Variants in RRAGD observed in about 807,000 individuals in gnomAD.
RRAGD encodes ras-related GTP-binding protein D.
In RRAGD, 12 loss-of-function variants were observed where a neutral mutation model predicts 35.5. The observed-to-expected ratio is 0.34, with a 90% CI of 0.22 to 0.55. The LOEUF (loss-of-function observed/expected upper bound fraction) is 0.55. Among genes scored for constraint, RRAGD ranks in the 20% least tolerant of loss-of-function variants. RRAGD has a pLI of 0.91. For missense variants in RRAGD, 324 were observed against 490.1 expected (o/e 0.66, Z 3.20); for synonymous variants, 155 against 178.9 (o/e 0.87, Z 1.07).
intron 5 of RRAGD, among the ~76,000 whole-genome samples, chr6:89,373,672 C>T (rs7738776): frequency 0.077 from 11,657 of 150,848 alleles, 1,074 homozygotes; most frequent in East Asian, 0.27. Context: ...GTGTGGTGTG[C>T]AGACACAAGT....
intron 1 of RRAGD, among the ~76,000 whole-genome samples, chr6:89,389,113 G>A (rs1769186511): frequency 6.6e-6 from 1 of 152,152 alleles, no homozygotes; most frequent in African/African-American, 2.4e-5. Flanking sequence ...CAGGTCTGTG[G>A]CCCGGGGTTT....
rs183254839 is a variant in RRAGD, at chr6:89,397,036, C to T, written c.149-9446G>A. Among the ~76,000 whole-genome samples the T allele has an allele frequency of 1.1e-4, 16 of 152,154 alleles. No individual in the cohort carries two copies. The East Asian group carries it at 2.1e-3, about 20-fold the overall frequency. On this transcript the variant is annotated intron_variant, in intron 1 of 6. Coordinates refer to ENST00000369415, the MANE Select transcript of RRAGD (RefSeq NM_021244.5). ...GATTACAGGCATGAGCCACCACACC[C>T]GGCTGACCCAATTTTAAAAGTGAAA... is the stretch of plus-strand genomic sequence containing the variant.
intron 1 of RRAGD, among the ~76,000 whole-genome samples, chr6:89,397,037 G>A (rs767747103): frequency 4.3e-4 from 66 of 151,954 alleles, no homozygotes; most frequent in Non-Finnish European, 8.2e-4. Flanking sequence ...CACCACACCC[G>A]GCTGACCCAA....
intron 1 of RRAGD, among the ~76,000 whole-genome samples, chr6:89,390,091 T>G (rs1769204036): frequency 6.6e-6 from 1 of 152,184 alleles, no homozygotes; most frequent in South Asian, 2.1e-4. Context: ...TCAAAATGTT[T>G]TATTTAAGAA....
intron 1 of RRAGD, among the ~76,000 whole-genome samples, chr6:89,399,091 C>T (rs1280361884): frequency 6.6e-6 from 1 of 152,170 alleles, no homozygotes; most frequent in Non-Finnish European, 1.5e-5. Context: ...ATTTATACTG[C>T]TAGATATGGG....
chr6:89,367,830 T>C lies in RRAGD; in HGVS notation c.*226A>G, dbSNP rs535913715. 1.2e-4 allele frequency: 46 copies of C among 385,138 alleles called. No individual in the cohort carries two copies. The highest frequency in any genetic ancestry group is 9.5e-4 in the African/African-American group (46 of 48,582). The allele number at this position is 385,138 out of a possible 1,614,324, so 23.9% of individuals were successfully genotyped here. A position where few individuals can be genotyped will look rare whatever the true frequency, so the allele number is the denominator to read the frequency against. On this transcript the variant is annotated 3_prime_UTR_variant, in exon 7 of 7. Transcript: ENST00000369415. ...ACCATAAAAGTTTACATTTGTGTAA[T>C]GAAATGACAATGGATTTCACATCAC... is the stretch of plus-strand genomic sequence containing the variant.
intron 1 of RRAGD, among the ~76,000 whole-genome samples, chr6:89,392,387 G>A (rs9353674): frequency 0.032 from 4,891 of 151,646 alleles, 302 homozygotes; most frequent in East Asian, 0.27. Context: ...GGCTAAAGTG[G>A]GAGGATCCCT....
At chr6:89,380,813 A>G (rs1582508941) in intron 2 of RRAGD, among the ~76,000 whole-genome samples, 1 of 151,878 alleles carries the variant, frequency 6.6e-6, no homozygotes, top group East Asian at 1.9e-4. Flanking sequence ...AGGCTGAGGC[A>G]GGAGAATTGC....
At chr6:89,401,245 G>A (rs927061470) in intron 1 of RRAGD, among the ~76,000 whole-genome samples, 3 of 150,686 alleles carry the variant, frequency 2.0e-5, no homozygotes, top group African/African-American at 7.3e-5. Context: ...CTCTGTCCAG[G>A]GGCTTCCCCA....
intron 1 of RRAGD, among the ~76,000 whole-genome samples, chr6:89,409,478 CCT>C (rs1453820015): frequency 6.6e-6 from 1 of 152,116 alleles, no homozygotes; most frequent in Non-Finnish European, 1.5e-5. Flanking sequence ...CAGAATAACT[CCT>C]TTTTTTCCCT....
chr6:89,377,959 C>A, intron 4 of RRAGD, 146 bp from the exon 5 acceptor site: 21 of 631,812 alleles, frequency 3.3e-5, no homozygotes, highest in Admixed American at 6.6e-5. Context: ...CATTTTATTA[C>A]AATTTAAACT....
intron 1 of RRAGD, 78 bp from the exon 2 acceptor site, chr6:89,387,668 A>G (rs1562454992): frequency 1.8e-5 from 23 of 1,312,540 alleles, no homozygotes; most frequent in Non-Finnish European, 2.3e-5. Context: ...TTCCACCTCA[A>G]ATGTGATTTA....
chr6:89,390,948 C>A (rs572900414), intron 1 of RRAGD, among the ~76,000 whole-genome samples: 1 of 152,140 alleles, frequency 6.6e-6, no homozygotes, highest in Non-Finnish European at 1.5e-5. Context: ...TTCCACTCCT[C>A]CAAATATACC....
At position 89,411,774 on chromosome 6, in the gene RRAGD, C is replaced by T. The variant is rs2127901098; in HGVS notation, c.148+72G>A. 2 of 1,474,546 alleles carry T rather than the reference C, an allele frequency of 1.4e-6. No individual in the cohort carries two copies. Among genetic ancestry groups the T allele is most frequent in the Admixed American group, 4.1e-5 (2 of 48,298 alleles). 91.3% of individuals were successfully genotyped at this position (1,474,546 alleles called of 1,614,324 possible). A position where few individuals can be genotyped will look rare whatever the true frequency, so the allele number is the denominator to read the frequency against. On this transcript the variant is annotated intron_variant, in intron 1 of 6. Transcript: ENST00000369415. The surrounding 1 kb of genome is among the most constrained non-coding windows in gnomAD (Gnocchi z 5.6). ...TCCAAGTCGGTGGCTCGCGCACGGC[C>T]GGGCTGGGGGCGGGAAGGCGCCAAG...
chr6:89,368,333 A>C lies in RRAGD; in HGVS notation c.1052-126T>G, dbSNP rs1054119586. The stretch of plus-strand genomic sequence containing the variant: ...GATGGTCTTAGCGTAAGGACCAGAG[A>C]TTTCCCTGGGATGTCTGCAGCTGGC... On this transcript the variant is annotated intron_variant, in intron 6 of 6. Coordinates refer to ENST00000369415, the MANE Select transcript of RRAGD (RefSeq NM_021244.5). The C allele has an allele frequency of 4.2e-6, 3 of 712,476 alleles. No homozygotes were observed. The African/African-American group carries it at 5.4e-5, about 13-fold the overall frequency. 44.1% of individuals were successfully genotyped at this position (712,476 alleles called of 1,614,324 possible).
intron 5 of RRAGD, among the ~76,000 whole-genome samples, chr6:89,375,276 T>G (rs988560320): frequency 9.2e-5 from 14 of 152,210 alleles, no homozygotes; most frequent in Non-Finnish European, 1.8e-4. Flanking sequence ...AAGCATGTAT[T>G]ACTTTCACAA....
At chr6:89,391,705 C>T (rs1417457325) in intron 1 of RRAGD, among the ~76,000 whole-genome samples, 1 of 151,962 alleles carries the variant, frequency 6.6e-6, no homozygotes, top group Non-Finnish European at 1.5e-5. Context: ...GTAATCATAG[C>T]ACTTTGGGAG....
chr6:89,411,562 G>A lies in RRAGD; in HGVS notation c.148+284C>T, dbSNP rs904832487. 4.5e-6 allele frequency: 2 copies of A among 441,592 alleles called. No individual in the cohort carries two copies. The highest frequency in any genetic ancestry group is 8.2e-6 in the Non-Finnish European group (2 of 244,604). 27.4% of individuals were successfully genotyped at this position (441,592 alleles called of 1,614,324 possible). On this transcript the variant is annotated intron_variant, in intron 1 of 6. Coordinates refer to ENST00000369415, the MANE Select transcript of RRAGD (RefSeq NM_021244.5). This position sits in a 1 kb window ranked among gnomAD's most constrained non-coding sequence, Gnocchi z 5.6. Reference sequence around the variant, plus strand: ...GGGGTGAGGGGCGCGGGAGGCACCGGCTCTGAAAGGGGCAGAAGCGCGCGC... The same window carrying A: ...GGGGTGAGGGGCGCGGGAGGCACCGACTCTGAAAGGGGCAGAAGCGCGCGC...
In RRAGD at chr6:89,387,306, T is replaced by G. The variant is rs771754962; in HGVS notation, c.433A>C (p.Ile145Leu). 1.2e-6 allele frequency: 2 copies of G among 1,613,440 alleles called. No individual in the cohort carries two copies. Among genetic ancestry groups the G allele is most frequent in the Non-Finnish European group, 1.7e-6 (2 of 1,179,376 alleles). ...ACTCTGAGCTTTACCTGTGAGTCAATGACAAATATCAGTGCTCCTGTTCCC... is the reference window on the plus strand; with the variant it reads ...ACTCTGAGCTTTACCTGTGAGTCAAGGACAAATATCAGTGCTCCTGTTCCC... ...FRGTGALIFV[I>L]DSQDDYMEAL... The change falls in exon 2 of 7, where the codon ATT becomes CTT. Residue 145 changes from isoleucine (I) to leucine (L), a missense_variant. Ile to Leu is a conservative substitution (Grantham distance 5). Around this residue, in one of 5 missense-constraint regions of RRAGD, gnomAD observed 152 missense variants for 296.9 expected, o/e 0.51. Transcript: ENST00000369415.
Sources: allele counts gnomAD v4.1 joint callset (sites outside exome capture counted in the v4.1 genomes callset), GRCh38; gene constraint gnomAD v4.1.1; regional missense constraint gnomAD v4.1.1; non-coding constraint Gnocchi (gnomAD v3.1); transcripts MANE v1.5; gene names NCBI Gene and HGNC (gene_info 2026-07-23, HGNC 2026-07-21).